ARFGAP3: variants seen among roughly 807,000 people sequenced by gnomAD.
ARFGAP3 encodes ARF GTPase activating protein 3, also known as ADP-ribosylation factor GTPase-activating protein 3.
Under a neutral mutation model 75.0 loss-of-function variants are expected in ARFGAP3, and 72 were observed. The observed-to-expected ratio is 0.96, with a 90% CI of 0.79 to 1.17. The LOEUF (loss-of-function observed/expected upper bound fraction) is 1.17. Among genes scored for constraint, ARFGAP3 ranks in the 50% most tolerant of loss-of-function variants. The pLI, the probability that ARFGAP3 is intolerant of heterozygous loss-of-function variation, is 0.00. For synonymous variants in ARFGAP3, 221 were observed against 217.9 expected (o/e 1.01, Z -0.13); for missense variants, 620 against 626.6 (o/e 0.99, Z 0.11).
intron 1 of ARFGAP3, 64 bp downstream of exon 1, chr22:42,857,050 G>A: frequency 6.9e-7 from 1 of 1,449,922 alleles, no homozygotes; most frequent in Non-Finnish European, 9.1e-7. Context: ...ACTGGCGCCC[G>A]CGGGGCCTCC....
rs199675575 is a variant in ARFGAP3, at chr22:42,817,209, T to G, written c.997A>C (p.Ile333Leu). 2.2e-5 allele frequency: 36 copies of G among 1,613,820 alleles called. No individual in the cohort carries two copies. The highest frequency in any genetic ancestry group is 3.0e-5 in the Non-Finnish European group (35 of 1,179,842). The change falls in exon 11 of 16, where the codon ATT becomes CTT. Residue 333 changes from isoleucine to leucine, a missense_variant. Transcript: ENST00000263245. ...TACTTTTTTCTTGGTTTTGCCATAA[T>G]GGGTGATTCCTGCTCTATGGTCTGC... ...DMQTIEQESPIMAKPRKKYND... is the reference protein window; with the variant it reads ...DMQTIEQESPLMAKPRKKYND...
chr22:42,840,760 A>T (rs992486740), intron 3 of ARFGAP3, among the ~76,000 whole-genome samples, 184 bp downstream of exon 3: 1 of 152,006 alleles, frequency 6.6e-6, no homozygotes, highest in African/African-American at 2.4e-5. Flanking sequence ...GGGTCTTGCC[A>T]TGTTGCCCAG....
At chr22:42,825,387 T>C (rs992864467) in intron 7 of ARFGAP3, among the ~76,000 whole-genome samples, 2 of 152,162 alleles carry the variant, frequency 1.3e-5, no homozygotes. Flanking sequence ...ATATAAAGCA[T>C]CCTCGGCCAG....
At chr22:42,815,385 C>T (rs17003354) in intron 11 of ARFGAP3, among the ~76,000 whole-genome samples, 5,847 of 151,468 alleles carry the variant, frequency 0.039, 161 homozygotes, top group African/African-American at 0.074. Context: ...TCTGAAAATA[C>T]CACCATGGAA....
intron 12 of ARFGAP3, 112 bp downstream of exon 12, chr22:42,810,700 TG>T (rs952442979): frequency 3.4e-6 from 3 of 876,682 alleles, no homozygotes. Context: ...ATTATGGGAA[TG>T]AGCCGCCGTG....
Position 42,826,958 on chromosome 22 carries a change from G to T in ARFGAP3, c.607C>A (p.Pro203Thr). The T allele has an allele frequency of 6.2e-7, 1 of 1,613,280 alleles. No homozygotes were observed. The change falls in exon 7 of 16, where the codon CCA becomes ACA. Residue 203 changes from proline to threonine, a missense_variant. Pro to Thr is a conservative substitution (Grantham distance 38). Transcript: ENST00000263245. ...QGPSVEGLNVPTKATLEVSSI... is the reference protein window; with the variant it reads ...QGPSVEGLNVTTKATLEVSSI... ...ATATTACCTAAAGTAGCCTTTGTTG[G>T]TACATTAAGACCTTCCACACTTGGT... is the stretch of plus-strand genomic sequence containing the variant.
rs1402203893 is a variant in ARFGAP3 at position 42,797,416 on chromosome 22, C to T, written c.*172G>A. 13 of 789,304 alleles carry T rather than the reference C, an allele frequency of 1.6e-5. No homozygotes were observed. Among genetic ancestry groups the T allele is most frequent in the Non-Finnish European group, 2.6e-5 (13 of 491,548 alleles). 48.9% of individuals were successfully genotyped at this position (789,304 alleles called of 1,614,324 possible). ...AACAGAAATCACAGGAAAGCTCCTACATCAGAACTCAGAATTTCTCAAAAG... is the reference window on the plus strand; with the variant it reads ...AACAGAAATCACAGGAAAGCTCCTATATCAGAACTCAGAATTTCTCAAAAG... On this transcript the variant is annotated 3_prime_UTR_variant, in exon 16 of 16. Transcript: ENST00000263245.
intron 12 of ARFGAP3, among the ~76,000 whole-genome samples, chr22:42,809,588 T>C (rs1252575179): frequency 9.9e-5 from 15 of 151,270 alleles, no homozygotes; most frequent in Admixed American, 9.9e-4. Flanking sequence ...TGGGGAAAAT[T>C]TGGGGGTGAT....
chr22:42,836,111 T>G (rs986004412), intron 3 of ARFGAP3, among the ~76,000 whole-genome samples: 2 of 149,824 alleles, frequency 1.3e-5, no homozygotes, highest in Non-Finnish European at 3.0e-5. Context: ...GCCTCCCAAA[T>G]AGCTGGGACT....
intron 12 of ARFGAP3, among the ~76,000 whole-genome samples, chr22:42,809,729 T>A (rs1377775512): frequency 6.6e-6 from 1 of 151,968 alleles, no homozygotes; most frequent in African/African-American, 2.4e-5. Flanking sequence ...AAAGGCCGGG[T>A]GCGGTGGCTC....
At chr22:42,845,291 G>A (rs534357229) in intron 2 of ARFGAP3, among the ~76,000 whole-genome samples, 10 of 149,326 alleles carry the variant, frequency 6.7e-5, no homozygotes, top group South Asian at 6.2e-4. Context: ...TTGGGAGGCC[G>A]AGGCGGGCAG....
intron 3 of ARFGAP3, among the ~76,000 whole-genome samples, chr22:42,837,482 G>C (rs1046095450): frequency 6.6e-6 from 1 of 151,640 alleles, no homozygotes; most frequent in Non-Finnish European, 1.5e-5. Flanking sequence ...CTTGTTGTGC[G>C]TGGTGGTACT....
chr22:42,851,172 T>C (rs1927261583), intron 1 of ARFGAP3, among the ~76,000 whole-genome samples: 1 of 152,234 alleles, frequency 6.6e-6, no homozygotes, highest in Non-Finnish European at 1.5e-5. Flanking sequence ...GTTCAGGAAG[T>C]CTGCCCACAT....
rs1172301192 is a variant in ARFGAP3, at chr22:42,827,037, T to C, written c.566-38A>G. On this transcript the variant is annotated intron_variant, in intron 6 of 15. Coordinates refer to ENST00000263245, the MANE Select transcript of ARFGAP3 (RefSeq NM_014570.5). ...AACATTGATATTAGCGCAGAAAATA[T>C]ACTCAGCTAACTTGCTTTTGAATAT... is the stretch of plus-strand genomic sequence containing the variant. 10 of 1,610,336 alleles carry C rather than the reference T, an allele frequency of 6.2e-6. 1 individual carries two copies. The South Asian group carries it at 1.1e-4, about 18-fold the overall frequency.
intron 1 of ARFGAP3, among the ~76,000 whole-genome samples, chr22:42,850,182 TG>T (rs1927213456): frequency 6.6e-6 from 1 of 151,964 alleles, no homozygotes; most frequent in Non-Finnish European, 1.5e-5. Flanking sequence ...GTGCTTGTTG[TG>T]GAAAGTAGTA....
At position 42,814,938 on chromosome 22, in the gene ARFGAP3, A is replaced by G. The variant is rs370895710; in HGVS notation, c.1064+2204T>C. Among the ~76,000 whole-genome samples, 127 of 152,278 alleles carry G rather than the reference A, an allele frequency of 8.3e-4. 4 individuals are homozygous for G. The South Asian group carries it at 0.026, about 31-fold the overall frequency. ...TTTTTTGTAAAGATGAGGTCTCACTATATTTCCCAGTCTGGTCCTGAATTC... is the reference window on the plus strand; with the variant it reads ...TTTTTTGTAAAGATGAGGTCTCACTGTATTTCCCAGTCTGGTCCTGAATTC... On this transcript the variant is annotated intron_variant, in intron 11 of 15. Transcript: ENST00000263245.
chr22:42,849,226 GAACT>G (rs57345681), intron 1 of ARFGAP3, among the ~76,000 whole-genome samples: 1,589 of 152,344 alleles, frequency 0.01, 25 homozygotes, highest in African/African-American at 0.035. Context: ...CTGACCCTCA[GAACT>G]ATCTGTTGTT....
chr22:42,813,616 G>A (rs1925461876), intron 11 of ARFGAP3, among the ~76,000 whole-genome samples: 4 of 152,224 alleles, frequency 2.6e-5, no homozygotes, highest in South Asian at 4.1e-4. Context: ...TGACCAGCAT[G>A]AGCCTGTGAG....
intron 1 of ARFGAP3, among the ~76,000 whole-genome samples, chr22:42,855,414 G>A (rs1376377826): frequency 1.3e-5 from 2 of 152,170 alleles, no homozygotes; most frequent in Non-Finnish European, 2.9e-5. Context: ...GGCTGGGCGC[G>A]GTGGCTCACG....
Sources: gnomAD v4.1 joint callset for allele counts (sites outside exome capture counted in the v4.1 genomes callset) on GRCh38, gnomAD v4.1.1 for gene constraint, MANE v1.5 for transcripts, NCBI Gene and HGNC (gene_info 2026-07-23, HGNC 2026-07-21) for gene names.